RPS6KA3: variants seen among roughly 807,000 people sequenced by gnomAD.
RPS6KA3 encodes ribosomal protein S6 kinase A3, also known as ribosomal protein S6 kinase alpha-3.
RPS6KA3 carries 4 observed loss-of-function variants against 67.2 expected under a neutral mutation model. The ratio of observed to expected loss-of-function variants is 0.06; its 90% CI spans 0.03 to 0.14. The LOEUF is 0.14. Among genes scored for constraint, RPS6KA3 ranks in the 10% least tolerant of loss-of-function variants. The probability of loss-of-function intolerance (pLI) is 1.00; values close to 1 mark genes in which losing one functional copy is unlikely to be tolerated. For synonymous variants in RPS6KA3, 182 were observed against 183.7 expected (o/e 0.99, Z 0.07); for missense variants, 204 against 559.0 (o/e 0.36, Z 6.40).
intron 3 of RPS6KA3, among the ~76,000 whole-genome samples, chrX:20,208,886 C>T (rs902252956): frequency 9.0e-6 from 1 of 111,476 alleles, no homozygotes; most frequent in Non-Finnish European, 1.9e-5. Context: ...TCTTTGGGAG[C>T]GTCACTCACT....
At chrX:20,264,977 T>G (rs936715838) in intron 1 of RPS6KA3, among the ~76,000 whole-genome samples, 1 of 112,584 alleles carries the variant, frequency 8.9e-6, no homozygotes, top group African/African-American at 3.2e-5. Flanking sequence ...ATCATAAATT[T>G]GGCTTTTTAA....
At chrX:20,215,894 G>A (rs1444608392) in intron 2 of RPS6KA3, among the ~76,000 whole-genome samples, 3 of 112,419 alleles carry the variant, frequency 2.7e-5, no homozygotes, top group African/African-American at 3.2e-5. Flanking sequence ...TCTGTCACAT[G>A]AAAACATAAA....
chrX:20,188,161 C>T (rs975303538), intron 8 of RPS6KA3, among the ~76,000 whole-genome samples, 191 bp from the exon 9 acceptor site: 5 of 111,660 alleles, frequency 4.5e-5, no homozygotes, highest in Non-Finnish European at 9.4e-5. Context: ...GTATCCTCTG[C>T]CTCCCGGGTT....
intron 2 of RPS6KA3, among the ~76,000 whole-genome samples, chrX:20,216,587 G>C (rs371293144): frequency 2.7e-5 from 3 of 110,470 alleles, no homozygotes; most frequent in Non-Finnish European, 5.7e-5. Context: ...ATGGAAAGGG[G>C]GGGGTTGTAA....
intron 10 of RPS6KA3, among the ~76,000 whole-genome samples, chrX:20,182,089 A>T (rs756903532): frequency 4.7e-4 from 52 of 111,503 alleles, no homozygotes; most frequent in Middle Eastern, 4.6e-3. Context: ...TGCCCCAAAA[A>T]ACCCCGAACA....
chrX:20,167,468 A>C (rs968099570), intron 17 of RPS6KA3, 121 bp downstream of exon 17: 2 of 655,279 alleles, frequency 3.1e-6, no homozygotes, highest in African/African-American at 4.3e-5. Context: ...GGTCAGTAGG[A>C]TAATTCAGCT....
intron 16 of RPS6KA3, among the ~76,000 whole-genome samples, chrX:20,168,906 G>A (rs958564051): frequency 1.8e-5 from 2 of 111,940 alleles, no homozygotes; most frequent in Admixed American, 1.9e-4. Context: ...TGGCTGGAGT[G>A]CAGTGGTGCG....
intron 17 of RPS6KA3, among the ~76,000 whole-genome samples, chrX:20,165,768 T>A (rs138596068): frequency 2.9e-3 from 322 of 111,938 alleles, no homozygotes; most frequent in Admixed American, 3.7e-3. Flanking sequence ...CTATTTGATA[T>A]ACAAGGTGTT....
intron 2 of RPS6KA3, chrX:20,218,712 C>G (rs2068917924): frequency 1.5e-6 from 1 of 645,907 alleles, no homozygotes. Context: ...CTTTAAAGAA[C>G]ATATAAAACG....
At chrX:20,204,376 C>T (rs1231599962) in intron 3 of RPS6KA3, among the ~76,000 whole-genome samples, 1 of 111,650 alleles carries the variant, frequency 9.0e-6, no homozygotes, top group Non-Finnish European at 1.9e-5. Context: ...ACCCTTTAAA[C>T]TACATATGTA....
At chrX:20,227,365 C>G (rs2069148327) in intron 2 of RPS6KA3, among the ~76,000 whole-genome samples, 1 of 111,599 alleles carries the variant, frequency 9.0e-6, no homozygotes, top group Non-Finnish European at 1.9e-5. Flanking sequence ...TTGGCAGAGC[C>G]CATTTTCCAG....
At chrX:20,200,359 C>T (rs2148713445) in intron 4 of RPS6KA3, among the ~76,000 whole-genome samples, 1 of 111,883 alleles carries the variant, frequency 8.9e-6, no homozygotes, top group East Asian at 2.8e-4. Context: ...AAGTCATTGT[C>T]TCTGGGGTTC....
intron 3 of RPS6KA3, among the ~76,000 whole-genome samples, chrX:20,205,417 A>C (rs1458920725): frequency 8.9e-6 from 1 of 112,772 alleles, no homozygotes; most frequent in Non-Finnish European, 1.9e-5. Flanking sequence ...AAAATTAAAA[A>C]ATGATTCATT....
chrX:20,157,893 G>A (rs2067223904), intron 20 of RPS6KA3, among the ~76,000 whole-genome samples: 1 of 111,720 alleles, frequency 9.0e-6, no homozygotes, highest in East Asian at 2.8e-4. Flanking sequence ...GAATGTGGCA[G>A]TGGATAAAGT....
chrX:20,190,744 T>A (rs2068098562), intron 7 of RPS6KA3, among the ~76,000 whole-genome samples: 1 of 110,858 alleles, frequency 9.0e-6, no homozygotes, highest in Non-Finnish European at 1.9e-5. Context: ...ATGAAACTTA[T>A]CCAAAAACAA....
At chrX:20,239,566 T>C (rs1952613485) in intron 1 of RPS6KA3, among the ~76,000 whole-genome samples, 1 of 111,869 alleles carries the variant, frequency 8.9e-6, no homozygotes, top group Non-Finnish European at 1.9e-5. Context: ...AGATTGTATA[T>C]ATGCAAATGT....
chrX:20,174,876 C>T (rs1224219152), intron 14 of RPS6KA3, among the ~76,000 whole-genome samples: 2 of 111,363 alleles, frequency 1.8e-5, no homozygotes, highest in Admixed American at 1.9e-4. Flanking sequence ...CCTCAGCCTC[C>T]TGAGTACCTG....
At chrX:20,171,993 G>A (rs1007385112) in intron 15 of RPS6KA3, among the ~76,000 whole-genome samples, 7 of 111,857 alleles carry the variant, frequency 6.3e-5, no homozygotes, top group African/African-American at 2.3e-4. Context: ...AGACACTGAC[G>A]ACTTTAAAGC....
Position 20,155,382 on chromosome X carries a change from T to G in RPS6KA3, c.*16A>C. ...TCAGCTTACACCATGGTACCAAATA[T>G]CTCACTGAGGTCACTTCACAGGGCT... On this transcript the variant is annotated 3_prime_UTR_variant, in exon 22 of 22. Coordinates refer to ENST00000379565, the MANE Select transcript of RPS6KA3 (RefSeq NM_004586.3). 2 of 1,210,506 alleles carry G rather than the reference T, an allele frequency of 1.7e-6. No homozygotes were observed. Among genetic ancestry groups the G allele is most frequent in the Non-Finnish European group, 2.2e-6 (2 of 894,815 alleles).
Sources: gnomAD v4.1 joint callset for allele counts (sites outside exome capture counted in the v4.1 genomes callset) on GRCh38, gnomAD v4.1.1 for gene constraint, MANE v1.5 for transcripts, NCBI Gene and HGNC (gene_info 2026-07-23, HGNC 2026-07-21) for gene names.